Variants in SIMC1 observed in about 807,000 individuals in gnomAD.
The protein encoded by SIMC1 is SUMO interacting motifs containing 1, also known as SUMO-interacting motif-containing protein 1.
A neutral mutation model predicts 82.3 loss-of-function variants in SIMC1; 55 were observed. That is an observed-to-expected ratio of 0.67 (90% confidence interval 0.54 to 0.84). The LOEUF (loss-of-function observed/expected upper bound fraction) is 0.84, where lower values mean the gene tolerates loss of function less well. SIMC1 is among the 40% of genes least tolerant of loss of function. SIMC1 has a pLI of 0.00. For synonymous variants in SIMC1, 353 were observed against 426.3 expected, an observed-to-expected ratio of 0.83 and a Z score of 2.12; for missense variants, 915 against 1,107.2, an observed-to-expected ratio of 0.83 and a Z score of 2.46.
chr5:176,282,992 C>A (rs921581122), intron 1 of SIMC1, among the ~76,000 whole-genome samples: 2 of 152,014 alleles, frequency 1.3e-5, no homozygotes, highest in African/African-American at 4.8e-5. Context: ...TAAAAAGAAA[C>A]GAACAAAGCC....
intron 1 of SIMC1, among the ~76,000 whole-genome samples, chr5:176,261,457 T>C (rs955225356): frequency 6.6e-6 from 1 of 152,222 alleles, no homozygotes; most frequent in Non-Finnish European, 1.5e-5. Context: ...AAAAGGTGTA[T>C]GATGGCTGGG....
intron 1 of SIMC1, among the ~76,000 whole-genome samples, chr5:176,249,863 A>AAC (rs1409109118): frequency 6.6e-5 from 10 of 151,292 alleles, no homozygotes; most frequent in Admixed American, 6.6e-5. Context: ...AAAAAAAAAA[A>AAC]ACCAGCTCCT....
chr5:176,319,449 G>A (rs758267346), intron 5 of SIMC1, among the ~76,000 whole-genome samples: 7 of 151,688 alleles, frequency 4.6e-5, no homozygotes, highest in Non-Finnish European at 7.4e-5. Context: ...CAGGAGGATC[G>A]CTTGAGCTCA....
intron 9 of SIMC1, among the ~76,000 whole-genome samples, chr5:176,344,468 TACACACACACACACACACACACACACAC>T (rs57991528): frequency 6.8e-6 from 1 of 146,542 alleles, no homozygotes; most frequent in African/African-American, 2.5e-5. Context: ...GTCAGGAGTA[TACACACACACACACACACACACACACAC>T]ACACACACAC....
intron 1 of SIMC1, among the ~76,000 whole-genome samples, chr5:176,280,811 G>A (rs931582940): frequency 2.6e-5 from 4 of 152,134 alleles, no homozygotes; most frequent in African/African-American, 9.7e-5. Flanking sequence ...CTGTTAGTCT[G>A]GTGGGCTTCC....
In SIMC1 at chr5:176,320,330, A is replaced by ATTTT. The variant is rs199763827; in HGVS notation, c.1890-1942_1890-1939dup. Reference sequence around the variant, plus strand: ...TATTAAACAGCTTTCAAGCCATCCTATTTTATTTATTTATTTATTTATTTA... The same window carrying ATTTT: ...TATTAAACAGCTTTCAAGCCATCCTATTTTTTTTATTTATTTATTTATTTATTTA... On this transcript the variant is annotated intron_variant, in intron 5 of 9. Coordinates refer to ENST00000429602, the MANE Select transcript of SIMC1 (RefSeq NM_001308195.2). 9.8e-3 allele frequency among the ~76,000 whole-genome samples: 1,407 copies of ATTTT among 144,302 alleles called. 22 individuals carry two copies. Among genetic ancestry groups the ATTTT allele is most frequent in the African/African-American group, 0.034 (1,322 of 38,566 alleles). 94.7% of individuals were successfully genotyped at this position (144,302 alleles called of 152,430 possible).
chr5:176,316,276 G>T (rs901767216), intron 5 of SIMC1, among the ~76,000 whole-genome samples: 1 of 152,166 alleles, frequency 6.6e-6, no homozygotes, highest in Non-Finnish European at 1.5e-5. Flanking sequence ...TTAAGAGTGA[G>T]TGGGATACCC....
Position 176,244,535 on chromosome 5 carries a change from A to G in SIMC1, c.129+5898A>G, listed in dbSNP as rs369613379. On this transcript the variant is annotated intron_variant, in intron 1 of 9. Coordinates refer to ENST00000429602, the MANE Select transcript of SIMC1 (RefSeq NM_001308195.2). ...CCAGAACCTAGCCCAAGGGAACACC[A>G]TAGTGTCCCAAGGGAGGAAGAGCAG... Among the ~76,000 whole-genome samples, 90 of 151,784 alleles carry G rather than the reference A, an allele frequency of 5.9e-4. 1 individual carries two copies. The East Asian group carries it at 0.015, about 26-fold the overall frequency.
intron 4 of SIMC1, chr5:176,313,046 C>T (rs951615926): frequency 1.1e-5 from 2 of 175,438 alleles, no homozygotes; most frequent in Admixed American, 1.1e-4. Flanking sequence ...CTGCGTGCCT[C>T]CAAAGCCCAT....
chr5:176,247,422 G>A (rs976908214), intron 1 of SIMC1, among the ~76,000 whole-genome samples: 20 of 152,060 alleles, frequency 1.3e-4, no homozygotes, highest in Admixed American at 4.6e-4. Flanking sequence ...AGAAGTGTCT[G>A]TTTATATCCT....
At chr5:176,287,604 A>G (rs552655516) in intron 1 of SIMC1, among the ~76,000 whole-genome samples, 10 of 152,246 alleles carry the variant, frequency 6.6e-5, no homozygotes, top group Non-Finnish European at 1.3e-4. Flanking sequence ...TGTTGTGCAC[A>G]TGTACCCTAG....
At chr5:176,303,471 G>A (rs1035978367) in intron 4 of SIMC1, among the ~76,000 whole-genome samples, 13 of 152,012 alleles carry the variant, frequency 8.6e-5, no homozygotes, top group African/African-American at 2.7e-4. Flanking sequence ...ACAGGCATGC[G>A]CCACCATGCC....
intron 4 of SIMC1, among the ~76,000 whole-genome samples, chr5:176,305,498 A>T (rs868134144): frequency 5.1e-5 from 5 of 98,218 alleles, no homozygotes; most frequent in Admixed American, 9.3e-5. Flanking sequence ...GGAGCCCCTC[A>T]GCCCGGCCAG....
chr5:176,280,837 G>A (rs1762971640), intron 1 of SIMC1, among the ~76,000 whole-genome samples: 4 of 152,242 alleles, frequency 2.6e-5, no homozygotes, highest in South Asian at 2.1e-4. Flanking sequence ...TGGGTAACCC[G>A]ACCTTTCTCT....
chr5:176,288,904 G>T (rs1271322608), intron 1 of SIMC1, among the ~76,000 whole-genome samples: 8 of 152,166 alleles, frequency 5.3e-5, no homozygotes, highest in Non-Finnish European at 1.0e-4. Flanking sequence ...TAGGCTTTGT[G>T]AATAGCCTGA....
rs1486462448 is a variant in SIMC1 at position 176,289,863 on chromosome 5, G to A, written c.339G>A (p.Val113=). Residue 113 remains valine, a synonymous_variant, in exon 2 of 10, where the codon GTG becomes GTA. Coordinates refer to ENST00000429602, the MANE Select transcript of SIMC1 (RefSeq NM_001308195.2). ...LSGKAVMEGH[V]DRSSQPTARR... ...GCAAAGCGGTGATGGAAGGGCACGTGGACAGAAGCTCTCAGCCTACAGCAC... is the reference window on the plus strand; with the variant it reads ...GCAAAGCGGTGATGGAAGGGCACGTAGACAGAAGCTCTCAGCCTACAGCAC... 4.3e-6 allele frequency: 7 copies of A among 1,613,786 alleles called. No individual in the cohort carries two copies. In the African/African-American group the frequency reaches 8.0e-5, roughly 18 times the overall value.
Position 176,320,306 on chromosome 5 carries a change from A to G in SIMC1, c.1890-1967A>G, listed in dbSNP as rs139042239. The stretch of plus-strand genomic sequence containing the variant: ...GGAAGTTCTAGAGGTCTAAAAATTT[A>G]TTAAACAGCTTTCAAGCCATCCTAT... On this transcript the variant is annotated intron_variant, in intron 5 of 9. Transcript: ENST00000429602. Among the ~76,000 whole-genome samples, 55 of 152,190 alleles carry G rather than the reference A, an allele frequency of 3.6e-4. No individual in the cohort carries two copies. The East Asian group carries it at 9.5e-3, about 26-fold the overall frequency.
intron 7 of SIMC1, among the ~76,000 whole-genome samples, chr5:176,331,128 T>C (rs1180418830): frequency 2.6e-5 from 4 of 152,016 alleles, no homozygotes; most frequent in Non-Finnish European, 5.9e-5. Context: ...GTATCCACTT[T>C]GGGAGGCCAA....
chr5:176,343,687 A>ACTT (rs1303263490), intron 9 of SIMC1, among the ~76,000 whole-genome samples: 1 of 152,196 alleles, frequency 6.6e-6, no homozygotes, highest in Non-Finnish European at 1.5e-5. Flanking sequence ...TTGCTTAAGT[A>ACTT]CTTCAGCATG....
Sources: allele counts gnomAD v4.1 joint callset (sites outside exome capture counted in the v4.1 genomes callset), GRCh38; gene constraint gnomAD v4.1.1; transcripts MANE v1.5; gene names NCBI Gene and HGNC (gene_info 2026-07-23, HGNC 2026-07-21).